Variants in ARL2BP observed in about 807,000 individuals in gnomAD.
ARL2BP encodes ADP-ribosylation factor-like protein 2-binding protein.
ARL2BP carries 19 observed loss-of-function variants against 24.2 expected under a neutral mutation model. That is an observed-to-expected ratio of 0.79 (90% confidence interval 0.55 to 1.15). The LOEUF is 1.15. Ranked by LOEUF, ARL2BP falls within the 50% of genes most tolerant of loss-of-function variation. The probability of loss-of-function intolerance (pLI) is 0.00; values close to 1 mark genes in which losing one functional copy is unlikely to be tolerated. For missense variants in ARL2BP, 160 were observed against 190.4 expected (o/e 0.84, Z 0.94); for synonymous variants, 56 against 70.5 (o/e 0.79, Z 1.03).
intron 1 of ARL2BP, chr16:57,245,762 C>G: frequency 2.0e-6 from 1 of 503,794 alleles, no homozygotes; most frequent in African/African-American, 2.0e-5. Context: ...CAAATGACCC[C>G]CCCCGGCAGG....
In ARL2BP at chr16:57,252,348, T is replaced by A. The variant is rs1302455776; in HGVS notation, c.*81T>A. ...TCAGCTCATGATGACAGAACACATCTTGGAAAGACTGACTCTGTTATGTAA... is the reference window on the plus strand; with the variant it reads ...TCAGCTCATGATGACAGAACACATCATGGAAAGACTGACTCTGTTATGTAA... On this transcript the variant is annotated 3_prime_UTR_variant, in exon 6 of 6. Transcript: ENST00000219204. 2 of 1,609,888 alleles carry A rather than the reference T, an allele frequency of 1.2e-6. No homozygotes were observed. The highest frequency in any genetic ancestry group is 1.7e-6 in the Non-Finnish European group (2 of 1,178,680).
At chr16:57,246,853 C>A (rs1234163407) in intron 2 of ARL2BP, among the ~76,000 whole-genome samples, 1 of 152,084 alleles carries the variant, frequency 6.6e-6, no homozygotes, top group African/African-American at 2.4e-5. Context: ...CATAAGCACA[C>A]ATGGCCATAA....
In ARL2BP at chr16:57,250,429, G is replaced by T. The variant is rs151111778; in HGVS notation, c.312G>T (p.Val104=). ...TTTLQHHKDE[V]AGDIFDMLLT... is the part of the protein sequence containing the mutation. ...TTTGCAGGCACCATAAGGATGAAGT[G>T]GCTGGTGACATATTCGACATGCTGC... Residue 104 remains valine (V), a synonymous_variant, in exon 5 of 6, where the codon GTG becomes GTT. Coordinates refer to ENST00000219204, the MANE Select transcript of ARL2BP (RefSeq NM_012106.4). 377 of 1,614,178 alleles carry T rather than the reference G, an allele frequency of 2.3e-4. 4 individuals are homozygous for T. In the East Asian group the frequency reaches 8.2e-3, roughly 35 times the overall value.
intron 2 of ARL2BP, 67 bp from the exon 3 acceptor site, chr16:57,248,470 C>A: frequency 2.1e-6 from 2 of 949,510 alleles, no homozygotes; most frequent in Non-Finnish European, 3.3e-6. Context: ...TAGATCCTGC[C>A]TACTTATAAA....
intron 5 of ARL2BP, 132 bp downstream of exon 5, chr16:57,250,639 G>A (rs987303322): frequency 4.1e-5 from 29 of 702,752 alleles, no homozygotes; most frequent in Non-Finnish European, 5.7e-5. Flanking sequence ...CATCAGAAGA[G>A]TGAGCTGCTA....
At chr16:57,251,812 AAAGT>A (rs2075409162) in intron 5 of ARL2BP, 1 of 184,628 alleles carries the variant, frequency 5.4e-6, no homozygotes, top group Non-Finnish European at 1.1e-5. Context: ...TAAAAATAAA[AAAGT>A]TAGTCAGCTG....
Position 57,250,379 on chromosome 16 carries a change from A to C in ARL2BP, c.294-32A>C, listed in dbSNP as rs370623214. ...AATCTTGAGGACTGTCTCATCATTC[A>C]TTCACGAAACAGCCATCTGTTCCGT... On this transcript the variant is annotated intron_variant, in intron 4 of 5. Coordinates refer to ENST00000219204, the MANE Select transcript of ARL2BP (RefSeq NM_012106.4). 5.7e-6 allele frequency: 9 copies of C among 1,582,618 alleles called. No individual in the cohort carries two copies. In the African/African-American group the frequency reaches 6.7e-5, roughly 12 times the overall value.
chr16:57,250,753 C>G, intron 5 of ARL2BP: 1 of 503,294 alleles, frequency 2.0e-6, no homozygotes, highest in East Asian at 3.3e-5. Context: ...GGTCTCAGGT[C>G]TCATTCTGCC....
chr16:57,249,465 C>CA (rs1183991122), intron 3 of ARL2BP: 4 of 354,676 alleles, frequency 1.1e-5, no homozygotes, highest in Admixed American at 4.4e-5. Flanking sequence ...GCAAAGCCCC[C>CA]ACTTACTGCA....
intron 2 of ARL2BP, among the ~76,000 whole-genome samples, chr16:57,247,958 A>T (rs1195609183): frequency 6.6e-6 from 1 of 152,210 alleles, no homozygotes; most frequent in Non-Finnish European, 1.5e-5. Flanking sequence ...ACTTAAAGCC[A>T]CTGAGCTGTG....
In ARL2BP at chr16:57,250,451, C is replaced by T; in HGVS notation, c.334C>T (p.Leu112=). The T allele has an allele frequency of 6.2e-7, 1 of 1,614,206 alleles. No homozygotes were observed. Among genetic ancestry groups the T allele is most frequent in the Non-Finnish European group, 8.5e-7 (1 of 1,180,034 alleles). ...AGTGGCTGGTGACATATTCGACATGCTGCTCACCTTCACAGATTTTCTGGC... is the reference window on the plus strand; with the variant it reads ...AGTGGCTGGTGACATATTCGACATGTTGCTCACCTTCACAGATTTTCTGGC... ...DEVAGDIFDM[L]LTFTDFLAFK... Residue 112 remains leucine (L), a synonymous_variant, in exon 5 of 6, where the codon CTG becomes TTG. Transcript: ENST00000219204.
chr16:57,252,386 G>A lies in ARL2BP; in HGVS notation c.*119G>A. The A allele has an allele frequency of 1.3e-6, 2 of 1,567,192 alleles. No individual in the cohort carries two copies. The highest frequency in any genetic ancestry group is 1.7e-6 in the Non-Finnish European group (2 of 1,158,772). ...CTCTGTTATGTAACTCTTCATTTAT[G>A]TTAAGTATTAATAGGTCAAAACCAA... is the stretch of plus-strand genomic sequence containing the variant. On this transcript the variant is annotated 3_prime_UTR_variant, in exon 6 of 6. Transcript: ENST00000219204.
intron 2 of ARL2BP, among the ~76,000 whole-genome samples, chr16:57,246,802 T>C (rs2075391936): frequency 6.6e-6 from 1 of 152,180 alleles, no homozygotes; most frequent in East Asian, 1.9e-4. Flanking sequence ...AGACTCCGTC[T>C]GGAAAAAATA....
chr16:57,245,366 C>T lies in ARL2BP; in HGVS notation c.-2C>T. The T allele has an allele frequency of 6.2e-7, 1 of 1,606,256 alleles. No homozygotes were observed. Among genetic ancestry groups the T allele is most frequent in the East Asian group, 2.2e-5 (1 of 44,608 alleles). On this transcript the variant is annotated 5_prime_UTR_variant, in exon 1 of 6. Transcript: ENST00000219204. Reference sequence around the variant, plus strand: ...GGTTGGAGCCTACTCGGGGCGACTGCGATGGACGCCTTAGAAGGAGAGAGC... The same window carrying T: ...GGTTGGAGCCTACTCGGGGCGACTGTGATGGACGCCTTAGAAGGAGAGAGC...
chr16:57,249,307 G>A (rs1179739969), intron 3 of ARL2BP: 3 of 155,028 alleles, frequency 1.9e-5, no homozygotes, highest in Non-Finnish European at 4.3e-5. Context: ...ACAGCCCCCT[G>A]GGATTCTGTC....
chr16:57,246,973 G>GT (rs2075392387), intron 2 of ARL2BP, among the ~76,000 whole-genome samples: 2 of 152,200 alleles, frequency 1.3e-5, no homozygotes, highest in Admixed American at 1.3e-4. Flanking sequence ...CAGAGAAGCA[G>GT]TAACAGTCCC....
intron 4 of ARL2BP, chr16:57,250,108 A>G (rs1439283753): frequency 3.4e-6 from 2 of 594,676 alleles, no homozygotes; most frequent in Non-Finnish European, 3.0e-6. Context: ...AGCCTGGGTG[A>G]CATAGTGAGG....
chr16:57,250,309 T>C (rs1168309700), intron 4 of ARL2BP, 102 bp from the exon 5 acceptor site: 18 of 1,030,512 alleles, frequency 1.7e-5, no homozygotes, highest in Non-Finnish European at 2.5e-5. Context: ...AAAACAAAAA[T>C]AATGCGGGGG....
At chr16:57,245,787 C>T in intron 1 of ARL2BP, 1 of 504,832 alleles carries the variant, frequency 2.0e-6, no homozygotes, top group Non-Finnish European at 3.5e-6. Flanking sequence ...TCGCCCGTGC[C>T]GGGTTCATGC....
Sources: allele counts gnomAD v4.1 joint callset (sites outside exome capture counted in the v4.1 genomes callset), GRCh38; gene constraint gnomAD v4.1.1; transcripts MANE v1.5; gene names NCBI Gene and HGNC (gene_info 2026-07-23, HGNC 2026-07-21).